Variants in PDE4B observed in about 807,000 individuals in gnomAD.
The protein encoded by PDE4B is 3',5'-cyclic-AMP phosphodiesterase 4B.
Under a neutral mutation model 82.2 loss-of-function variants are expected in PDE4B, and 20 were observed. That is an observed-to-expected ratio of 0.24 (90% CI 0.17 to 0.35). The LOEUF (loss-of-function observed/expected upper bound fraction) is 0.35. Among genes scored for constraint, PDE4B ranks in the 10% least tolerant of loss-of-function variants. PDE4B has a pLI of 1.00. For synonymous variants in PDE4B, 320 were observed against 318.9 expected (o/e 1.00, Z -0.04); for missense variants, 655 against 907.2 (o/e 0.72, Z 3.57).
chr1:65,811,887 C>T (rs760370801), intron 1 of PDE4B, among the ~76,000 whole-genome samples: 2 of 151,380 alleles, frequency 1.3e-5, no homozygotes, highest in African/African-American at 2.4e-5. Context: ...GTTTCATTAA[C>T]GTTAAATAAA....
rs1457654447 is a variant in PDE4B at position 65,903,022 on chromosome 1, A to G, written c.-70-10223A>G. ...ATTTTATCTGTAAAATAAGGGAATC[A>G]TGGTATGGCAAACATTACAAAGGTG... is the stretch of plus-strand genomic sequence containing the variant. On this transcript the variant is annotated intron_variant, in intron 1 of 16. Coordinates refer to ENST00000341517, the MANE Select transcript of PDE4B (RefSeq NM_002600.4). 3.3e-5 allele frequency among the ~76,000 whole-genome samples: 5 copies of G among 152,180 alleles called. 1 individual carries two copies. In the South Asian group the frequency reaches 1.0e-3, roughly 31 times the overall value.
At chr1:65,817,086 T>C (rs1023309578) in intron 1 of PDE4B, among the ~76,000 whole-genome samples, 6 of 152,146 alleles carry the variant, frequency 3.9e-5, no homozygotes, top group African/African-American at 1.4e-4. Context: ...TCATGATGCC[T>C]GCCTGCCACA....
intron 1 of PDE4B, among the ~76,000 whole-genome samples, chr1:65,868,616 A>G (rs953755058): frequency 1.3e-5 from 2 of 152,194 alleles, no homozygotes; most frequent in Non-Finnish European, 2.9e-5. Flanking sequence ...CAGCAGGTGG[A>G]TGGTCACCAA....
At chr1:65,889,076 G>T (rs2100378002) in intron 1 of PDE4B, among the ~76,000 whole-genome samples, 1 of 151,990 alleles carries the variant, frequency 6.6e-6, no homozygotes, top group Middle Eastern at 3.4e-3. Flanking sequence ...GTATCTTTGT[G>T]GTATATGGCC....
At chr1:66,198,619 TA>T (rs1266241396) in intron 3 of PDE4B, among the ~76,000 whole-genome samples, 3 of 152,172 alleles carry the variant, frequency 2.0e-5, no homozygotes, top group African/African-American at 7.2e-5. Flanking sequence ...TTTATTTTAT[TA>T]TTATTATGCT....
intron 3 of PDE4B, among the ~76,000 whole-genome samples, chr1:65,984,081 C>T (rs901671941): frequency 6.6e-6 from 1 of 152,076 alleles, no homozygotes; most frequent in Non-Finnish European, 1.5e-5. Flanking sequence ...AGAAACAGCC[C>T]AATTGTCCTT....
chr1:66,312,172 C>A (rs940035111), intron 7 of PDE4B, among the ~76,000 whole-genome samples: 1 of 152,156 alleles, frequency 6.6e-6, no homozygotes, highest in Admixed American at 6.5e-5. Flanking sequence ...TAAATGAGAG[C>A]TTTAGGTGGA....
Position 66,264,958 on chromosome 1 carries a change from G to A in PDE4B, c.585-1080G>A, listed in dbSNP as rs146737623. On this transcript the variant is annotated intron_variant, in intron 6 of 16. Coordinates refer to ENST00000341517, the MANE Select transcript of PDE4B (RefSeq NM_002600.4). Reference sequence around the variant, plus strand: ...GAAAAAGAAATTTAATAGCTCCCCAGATGAGTCGGCTGCGTATCCATGTTT... The same window carrying A: ...GAAAAAGAAATTTAATAGCTCCCCAAATGAGTCGGCTGCGTATCCATGTTT... Among the ~76,000 whole-genome samples the A allele has an allele frequency of 8.4e-3, 1,285 of 152,326 alleles. 15 individuals carry two copies. Among genetic ancestry groups the A allele is most frequent in the Admixed American group, 0.011 (172 of 15,300 alleles).
chr1:65,881,805 A>G (rs992797161), intron 1 of PDE4B, among the ~76,000 whole-genome samples: 7 of 152,192 alleles, frequency 4.6e-5, no homozygotes, highest in African/African-American at 1.4e-4. Flanking sequence ...CAAACATTTA[A>G]AAATATTATA....
intron 3 of PDE4B, among the ~76,000 whole-genome samples, chr1:65,980,652 G>A (rs1410800014): frequency 1.3e-5 from 2 of 152,164 alleles, no homozygotes; most frequent in Non-Finnish European, 2.9e-5. Flanking sequence ...GTGGCAAGCA[G>A]TGCCCATTTA....
At chr1:65,889,951 C>G (rs950265522) in intron 1 of PDE4B, among the ~76,000 whole-genome samples, 2 of 152,026 alleles carry the variant, frequency 1.3e-5, no homozygotes, top group African/African-American at 4.8e-5. Context: ...GTTAAACATA[C>G]CCCAAAACCG....
chr1:66,247,524 G>T lies in PDE4B; in HGVS notation c.346G>T (p.Ala116Ser), dbSNP rs751520439. 2.5e-6 allele frequency: 4 copies of T among 1,611,558 alleles called. No individual in the cohort carries two copies. The East Asian group carries it at 8.9e-5, about 36-fold the overall frequency. ...ACTGGATCCCCAGGCCAGCTCTTCCGCTGGGCTGGTACTTCACGCCACCTT... is the reference window on the plus strand; with the variant it reads ...ACTGGATCCCCAGGCCAGCTCTTCCTCTGGGCTGGTACTTCACGCCACCTT... ...SPLDPQASSS[A>S]GLVLHATFPG... Residue 116 changes from alanine (A) to serine (S), a missense_variant, in exon 4 of 17, where the codon GCT (alanine) becomes TCT (serine). This residue lies in a region of PDE4B where 253 missense variants were observed against 275.6 expected (regional missense o/e 0.92). Coordinates refer to ENST00000341517, the MANE Select transcript of PDE4B (RefSeq NM_002600.4).
At chr1:66,054,417 A>G (rs201074150) in intron 3 of PDE4B, among the ~76,000 whole-genome samples, 2 of 151,978 alleles carry the variant, frequency 1.3e-5, no homozygotes, top group South Asian at 2.1e-4. Context: ...GTTAAAAAAC[A>G]TATTTATCAG....
chr1:66,203,486 A>G (rs574101902), intron 3 of PDE4B, among the ~76,000 whole-genome samples: 90 of 152,300 alleles, frequency 5.9e-4, no homozygotes, highest in African/African-American at 1.8e-3. Flanking sequence ...AGGTACACCA[A>G]TCAGACGTAG....
At chr1:66,247,954 C>A (rs568705773) in intron 4 of PDE4B, among the ~76,000 whole-genome samples, 212 of 152,286 alleles carry the variant, frequency 1.4e-3, no homozygotes, top group African/African-American at 5.0e-3. Flanking sequence ...TCATTTATGG[C>A]ATGAGAACCT....
intron 3 of PDE4B, among the ~76,000 whole-genome samples, chr1:66,001,183 G>A (rs953781626): frequency 1.3e-5 from 2 of 152,142 alleles, no homozygotes; most frequent in African/African-American, 4.8e-5. Context: ...GAGGATGAAA[G>A]CAACTGTGGG....
chr1:65,960,527 G>T (rs963294812), intron 3 of PDE4B, among the ~76,000 whole-genome samples: 2 of 151,988 alleles, frequency 1.3e-5, no homozygotes, highest in African/African-American at 4.8e-5. Flanking sequence ...ACTGAGCTTT[G>T]CATTTTTTAG....
intron 1 of PDE4B, among the ~76,000 whole-genome samples, chr1:65,849,116 C>T (rs78089633): frequency 6.6e-6 from 1 of 152,260 alleles, no homozygotes; most frequent in African/African-American, 2.4e-5. Flanking sequence ...TTTGAGAGGG[C>T]ATGCTCATGG....
chr1:66,125,115 C>G (rs1373543508), intron 3 of PDE4B, among the ~76,000 whole-genome samples: 4 of 150,332 alleles, frequency 2.7e-5, no homozygotes, highest in African/African-American at 9.8e-5. Context: ...TCCTATATCT[C>G]TAAATGCTTG....
Sources: gnomAD v4.1 joint callset for allele counts (sites outside exome capture counted in the v4.1 genomes callset) on GRCh38, gnomAD v4.1.1 for gene constraint, gnomAD v4.1.1 regional missense constraint, MANE v1.5 for transcripts, NCBI Gene and HGNC (gene_info 2026-07-23, HGNC 2026-07-21) for gene names.